METTL25: variants seen among roughly 807,000 people sequenced by gnomAD.
METTL25 encodes probable methyltransferase-like protein 25.
In METTL25, 64 loss-of-function variants were observed where a neutral mutation model predicts 71.6. That is an observed-to-expected ratio of 0.89 (90% CI 0.73 to 1.10). The LOEUF (loss-of-function observed/expected upper bound fraction) is 1.10, where lower values mean the gene tolerates loss of function less well. Among genes scored for constraint, METTL25 ranks in the 50% least tolerant of loss-of-function variants. The probability of loss-of-function intolerance (pLI) is 0.00; values close to 1 mark genes in which losing one functional copy is unlikely to be tolerated. For missense variants in METTL25, 807 were observed against 707.0 expected, an observed-to-expected ratio of 1.14 and a Z score of -1.60; for synonymous variants, 287 against 250.3, an observed-to-expected ratio of 1.15 and a Z score of -1.38.
chr12:82,424,376 G>C (rs1341712382), intron 5 of METTL25, among the ~76,000 whole-genome samples: 1 of 152,050 alleles, frequency 6.6e-6, no homozygotes, highest in Non-Finnish European at 1.5e-5. Context: ...TCACACCCCG[G>C]GGCCTGTTGT....
intron 1 of METTL25, among the ~76,000 whole-genome samples, chr12:82,378,546 T>C (rs1884113988): frequency 6.6e-6 from 1 of 152,150 alleles, no homozygotes; most frequent in Non-Finnish European, 1.5e-5. Context: ...GAAAGGGAGC[T>C]TAGAATAAGA....
chr12:82,402,584 A>C (rs940446907), intron 4 of METTL25, among the ~76,000 whole-genome samples: 1 of 152,210 alleles, frequency 6.6e-6, no homozygotes, highest in Non-Finnish European at 1.5e-5. Context: ...AATTATTACT[A>C]TGAAAATAAA....
chr12:82,358,892 C>G, intron 1 of METTL25, 68 bp downstream of exon 1: 2 of 1,536,366 alleles, frequency 1.3e-6, no homozygotes, highest in Admixed American at 2.0e-5. Flanking sequence ...GAAGCGAGCC[C>G]CCTGGTGGAA....
intron 5 of METTL25, among the ~76,000 whole-genome samples, chr12:82,420,410 G>A (rs1263750003): frequency 2.0e-5 from 3 of 152,030 alleles, no homozygotes; most frequent in African/African-American, 7.2e-5. Flanking sequence ...TAAGTTTTTG[G>A]CATTGCTAAT....
At chr12:82,365,896 C>G (rs1482423007) in intron 1 of METTL25, among the ~76,000 whole-genome samples, 1 of 152,120 alleles carries the variant, frequency 6.6e-6, no homozygotes, top group East Asian at 1.9e-4. Flanking sequence ...TCCTGGCTAA[C>G]ACAGTGAAAC....
At chr12:82,460,685 C>T (rs1891803842) in intron 9 of METTL25, among the ~76,000 whole-genome samples, 1 of 152,170 alleles carries the variant, frequency 6.6e-6, no homozygotes, top group Admixed American at 6.5e-5. Flanking sequence ...CAAATCAAGA[C>T]AAGTTTGAGA....
chr12:82,412,071 A>G (rs1435249189), intron 5 of METTL25, among the ~76,000 whole-genome samples: 1 of 152,122 alleles, frequency 6.6e-6, no homozygotes, highest in Non-Finnish European at 1.5e-5. Flanking sequence ...TCTTGGTTAT[A>G]GTAGTAGTTT....
chr12:82,363,756 ACT>A (rs1199007018), intron 1 of METTL25, among the ~76,000 whole-genome samples: 1 of 149,868 alleles, frequency 6.7e-6, no homozygotes, highest in Non-Finnish European at 1.5e-5. Context: ...GGAAAGTGTG[ACT>A]CTAACTTAGG....
At chr12:82,431,747 C>G (rs2717452) in intron 6 of METTL25, among the ~76,000 whole-genome samples, 151,153 of 151,664 alleles carry the variant, frequency 1, 75,324 homozygotes, top group Middle Eastern at 1. Flanking sequence ...CCCTTCATAC[C>G]TTGAAACTAC....
intron 7 of METTL25, among the ~76,000 whole-genome samples, chr12:82,437,650 CAT>C (rs752643235): frequency 1.5e-4 from 22 of 151,624 alleles, no homozygotes; most frequent in African/African-American, 4.6e-4. Context: ...TAGTTGAAAA[CAT>C]GTGAAAATAA....
chr12:82,430,207 G>T, intron 5 of METTL25, among the ~76,000 whole-genome samples: 1 of 150,366 alleles, frequency 6.7e-6, no homozygotes. Context: ...CAAAAACCCT[G>T]TGGAACTAAT....
intron 5 of METTL25, among the ~76,000 whole-genome samples, chr12:82,415,864 T>C (rs888636724): frequency 2.0e-5 from 3 of 152,116 alleles, no homozygotes; most frequent in African/African-American, 7.2e-5. Context: ...GGGCATCCCA[T>C]GGCTCAGTCA....
At chr12:82,465,115 T>C (rs185368929) in intron 9 of METTL25, among the ~76,000 whole-genome samples, 25 of 152,026 alleles carry the variant, frequency 1.6e-4, no homozygotes, top group Admixed American at 1.4e-3. Context: ...TGCCTAATTG[T>C]TCTGATTAGA....
At position 82,374,462 on chromosome 12, in the gene METTL25, G is replaced by A. The variant is rs141000414; in HGVS notation, c.260-12341G>A. Among the ~76,000 whole-genome samples the A allele has an allele frequency of 2.0e-3, 306 of 152,108 alleles. 1 individual carries two copies. Among genetic ancestry groups the A allele is most frequent in the Middle Eastern group, 3.4e-3 (1 of 294 alleles). On this transcript the variant is annotated intron_variant, in intron 1 of 11. Transcript: ENST00000248306. ...CTAGACACAGAGTGCTGATTGGTGC[G>A]TTTACAGTCCTGTAGCTAGACACAG...
chr12:82,363,096 T>C (rs915448595), intron 1 of METTL25, among the ~76,000 whole-genome samples: 1 of 152,126 alleles, frequency 6.6e-6, no homozygotes, highest in South Asian at 2.1e-4. Flanking sequence ...ATTTAAGACG[T>C]ACATTCTGGA....
At chr12:82,467,913 C>T (rs1892339023) in intron 9 of METTL25, among the ~76,000 whole-genome samples, 1 of 151,844 alleles carries the variant, frequency 6.6e-6, no homozygotes, top group African/African-American at 2.4e-5. Flanking sequence ...TCTGGAATAC[C>T]CATAATGCAA....
intron 2 of METTL25, 74 bp from the exon 3 acceptor site, chr12:82,389,742 A>C (rs535270097): frequency 8.0e-6 from 7 of 874,898 alleles, no homozygotes; most frequent in African/African-American, 1.7e-5. Flanking sequence ...ATTTCAAAAA[A>C]TATGAACATC....
intron 4 of METTL25, among the ~76,000 whole-genome samples, chr12:82,399,841 A>G (rs1303252704): frequency 6.6e-6 from 1 of 151,916 alleles, no homozygotes; most frequent in Non-Finnish European, 1.5e-5. Flanking sequence ...AATTACAAGT[A>G]TGTCAGTTTA....
At chr12:82,413,454 ATG>A (rs1301896095) in intron 5 of METTL25, among the ~76,000 whole-genome samples, 2 of 152,114 alleles carry the variant, frequency 1.3e-5, no homozygotes, top group Non-Finnish European at 2.9e-5. Context: ...TATTAGAGTT[ATG>A]TATAAGTTAC....
Sources: gnomAD v4.1 joint callset for allele counts (sites outside exome capture counted in the v4.1 genomes callset) on GRCh38, gnomAD v4.1.1 for gene constraint, MANE v1.5 for transcripts, NCBI Gene and HGNC (gene_info 2026-07-23, HGNC 2026-07-21) for gene names.